Variants in UBE2Q2 observed in about 807,000 individuals in gnomAD.
The protein encoded by UBE2Q2 is ubiquitin-conjugating enzyme E2 Q2.
A neutral mutation model predicts 59.9 loss-of-function variants in UBE2Q2; 54 were observed. The ratio of observed to expected loss-of-function variants is 0.90; its 90% CI spans 0.72 to 1.13. UBE2Q2 has a LOEUF of 1.13. Ranked by LOEUF, UBE2Q2 falls within the 50% of genes most tolerant of loss-of-function variation. The pLI is 0.00. For missense variants in UBE2Q2, 433 were observed against 441.9 expected, an observed-to-expected ratio of 0.98 and a Z score of 0.18; for synonymous variants, 165 against 155.2, an observed-to-expected ratio of 1.06 and a Z score of -0.47.
rs557649379 is a variant in UBE2Q2, at chr15:75,875,378, C to T, written c.589-809C>T. On this transcript the variant is annotated intron_variant, in intron 5 of 12. Transcript: ENST00000267938. ...AAAAATAGTTCCGTTTGTATTTAGT[C>T]TTATGATAAGATATTGATGTGTTTT... Among the ~76,000 whole-genome samples the T allele has an allele frequency of 2.2e-4, 33 of 152,220 alleles. No homozygotes were observed. In the South Asian group the frequency reaches 5.6e-3, roughly 26 times the overall value.
intron 9 of UBE2Q2, 132 bp downstream of exon 9, chr15:75,883,556 C>T (rs1189214974): frequency 9.5e-6 from 6 of 633,036 alleles, no homozygotes; most frequent in Non-Finnish European, 1.7e-5. Context: ...CCCACCTTGG[C>T]CTCCCAAAGT....
At chr15:75,844,861 T>G (rs182014107) in intron 1 of UBE2Q2, among the ~76,000 whole-genome samples, 1 of 152,218 alleles carries the variant, frequency 6.6e-6, no homozygotes, top group African/African-American at 2.4e-5. Context: ...GTTGAGTCAG[T>G]GGGTACTCAA....
intron 2 of UBE2Q2, among the ~76,000 whole-genome samples, chr15:75,855,066 T>C (rs1370745185): frequency 6.6e-6 from 1 of 152,214 alleles, no homozygotes; most frequent in African/African-American, 2.4e-5. Flanking sequence ...CTCTACCTAA[T>C]ATAACCACTG....
chr15:75,895,922 TG>T (rs1899395987), intron 11 of UBE2Q2, among the ~76,000 whole-genome samples: 1 of 152,192 alleles, frequency 6.6e-6, no homozygotes, highest in Admixed American at 6.5e-5. Flanking sequence ...AGGTTGCTCT[TG>T]GCAACATTAT....
At chr15:75,898,059 A>C (rs919831460) in intron 12 of UBE2Q2, among the ~76,000 whole-genome samples, 5 of 152,200 alleles carry the variant, frequency 3.3e-5, no homozygotes, top group Non-Finnish European at 5.9e-5. Context: ...AATTAGATCC[A>C]AAGAAACCTG....
In UBE2Q2 at chr15:75,900,526, C is replaced by T. The variant is rs1321869100; in HGVS notation, c.*1068C>T. ...GGTTGGTAATAGATTTTTTTATACACCCACGTTTGATTTAAAAGTAAATTC... is the reference window on the plus strand; with the variant it reads ...GGTTGGTAATAGATTTTTTTATACATCCACGTTTGATTTAAAAGTAAATTC... On this transcript the variant is annotated 3_prime_UTR_variant, in exon 13 of 13. Transcript: ENST00000267938. The T allele has an allele frequency of 2.0e-5, 3 of 152,126 alleles. No individual in the cohort carries two copies. Among genetic ancestry groups the T allele is most frequent in the Admixed American group, 6.6e-5 (1 of 15,200 alleles). The allele number at this position is 152,126 out of a possible 1,614,324, so 9.4% of individuals were successfully genotyped here.
At chr15:75,891,201 A>G (rs1899083092) in intron 11 of UBE2Q2, among the ~76,000 whole-genome samples, 187 bp downstream of exon 11, 1 of 152,206 alleles carries the variant, frequency 6.6e-6, no homozygotes, top group African/African-American at 2.4e-5. Flanking sequence ...ACTAATTGAT[A>G]ATCACTTAAT....
At chr15:75,896,422 G>A (rs1265691011) in intron 11 of UBE2Q2, among the ~76,000 whole-genome samples, 1 of 152,136 alleles carries the variant, frequency 6.6e-6, no homozygotes, top group Admixed American at 6.5e-5. Flanking sequence ...ATATAGGTTG[G>A]TTGTACTTAT....
rs953125763 is a variant in UBE2Q2, at chr15:75,894,268, T to TA, written c.1030-2719dup. On this transcript the variant is annotated intron_variant, in intron 11 of 12. Transcript: ENST00000267938. ...AGCCTCTGATTGTTAGAAAGGACAA[T>TA]AAAAAAAACCTGAAGGAGGCCAGGG... Among the ~76,000 whole-genome samples the TA allele has an allele frequency of 7.3e-5, 11 of 151,660 alleles. No individual in the cohort carries two copies. The East Asian group carries it at 1.4e-3, about 19-fold the overall frequency.
chr15:75,896,757 A>G (rs1044993300), intron 11 of UBE2Q2, among the ~76,000 whole-genome samples: 4 of 152,202 alleles, frequency 2.6e-5, no homozygotes, highest in Admixed American at 2.6e-4. Context: ...AAGACTTATA[A>G]AAATGAACTG....
intron 5 of UBE2Q2, among the ~76,000 whole-genome samples, chr15:75,875,261 T>TA (rs1290628682): frequency 6.6e-6 from 1 of 150,868 alleles, no homozygotes; most frequent in East Asian, 2.0e-4. Flanking sequence ...AAACTTCTCA[T>TA]ATTTTGTAGA....
chr15:75,894,679 G>C (rs888990103), intron 11 of UBE2Q2, among the ~76,000 whole-genome samples: 1 of 152,024 alleles, frequency 6.6e-6, no homozygotes, highest in Non-Finnish European at 1.5e-5. Context: ...TAGACCCCCA[G>C]TACAGTAAAG....
chr15:75,859,175 G>A (rs1006148511), intron 2 of UBE2Q2, among the ~76,000 whole-genome samples: 1 of 152,140 alleles, frequency 6.6e-6, no homozygotes, highest in African/African-American at 2.4e-5. Context: ...AAAACAATCT[G>A]GACTTAAACA....
In UBE2Q2 at chr15:75,897,031, A is replaced by G; in HGVS notation, c.1066A>G (p.Asn356Asp). 1 of 1,574,572 alleles carries G rather than the reference A, an allele frequency of 6.4e-7. No individual in the cohort carries two copies. The highest frequency in any genetic ancestry group is 8.6e-7 in the Non-Finnish European group (1 of 1,157,958). Residue 356 changes from asparagine to aspartate, a missense_variant, in exon 12 of 13, where the codon AAT becomes GAT. Transcript: ENST00000267938. ...YNLARAQQSYNSIVQIHEKNG... is the reference protein window; with the variant it reads ...YNLARAQQSYDSIVQIHEKNG... Reference sequence around the variant, plus strand: ...TCTAGCAAGAGCCCAACAATCCTATAATTCCATTGTACAGATACATGAGAA... The same window carrying G: ...TCTAGCAAGAGCCCAACAATCCTATGATTCCATTGTACAGATACATGAGAA...
intron 1 of UBE2Q2, among the ~76,000 whole-genome samples, chr15:75,850,103 TAAACTG>T (rs1896554249): frequency 6.6e-6 from 1 of 152,224 alleles, no homozygotes; most frequent in African/African-American, 2.4e-5. Context: ...TCTTAAATGT[TAAACTG>T]AACAAACCTT....
At chr15:75,872,112 G>A (rs954269587) in intron 4 of UBE2Q2, among the ~76,000 whole-genome samples, 1 of 152,092 alleles carries the variant, frequency 6.6e-6, no homozygotes, top group African/African-American at 2.4e-5. Flanking sequence ...AGAACAGAAC[G>A]TTATAGGGCT....
chr15:75,878,057 A>G (rs906917152), intron 7 of UBE2Q2, 36 bp downstream of exon 7: 2 of 1,569,500 alleles, frequency 1.3e-6, no homozygotes, highest in East Asian at 2.2e-5. Flanking sequence ...ACTCTTTGCA[A>G]TGGTAGACTA....
intron 2 of UBE2Q2, among the ~76,000 whole-genome samples, chr15:75,858,165 T>C (rs1230515708): frequency 1.3e-5 from 2 of 152,238 alleles, no homozygotes; most frequent in East Asian, 3.8e-4. Flanking sequence ...AGTAATATTT[T>C]ACTCCCATTA....
At chr15:75,848,081 G>A (rs1896446416) in intron 1 of UBE2Q2, among the ~76,000 whole-genome samples, 2 of 152,144 alleles carry the variant, frequency 1.3e-5, no homozygotes, top group South Asian at 2.1e-4. Flanking sequence ...GCTTAAGTAA[G>A]TCACTTCTTT....
Sources: allele counts gnomAD v4.1 joint callset (sites outside exome capture counted in the v4.1 genomes callset), GRCh38; gene constraint gnomAD v4.1.1; transcripts MANE v1.5; gene names NCBI Gene and HGNC (gene_info 2026-07-23, HGNC 2026-07-21).